BNC2: variants seen among roughly 807,000 people sequenced by gnomAD.
BNC2 encodes the protein basonuclin zinc finger protein 2.
In BNC2, 20 loss-of-function variants were observed where a neutral mutation model predicts 76.3. The observed-to-expected ratio is 0.26, with a 90% CI of 0.18 to 0.38. The LOEUF is 0.38. Ranked by LOEUF, BNC2 falls within the 10% of genes least tolerant of loss-of-function variation. BNC2 has a pLI of 1.00. For missense variants in BNC2, 1,382 were observed against 1,399.8 expected, an observed-to-expected ratio of 0.99 and a Z score of 0.20; for synonymous variants, 582 against 514.8, an observed-to-expected ratio of 1.13 and a Z score of -1.77.
At chr9:16,792,114 A>AAG (rs1817527427) in intron 1 of BNC2, among the ~76,000 whole-genome samples, 1 of 151,858 alleles carries the variant, frequency 6.6e-6, no homozygotes, top group South Asian at 2.1e-4. Flanking sequence ...CAAAAAAAAA[A>AAG]AAAAAATCAA....
chr9:16,448,523 A>C (rs1166282631), intron 5 of BNC2, among the ~76,000 whole-genome samples: 5 of 152,146 alleles, frequency 3.3e-5, no homozygotes, highest in Admixed American at 6.6e-5. Flanking sequence ...TATACTTTGA[A>C]TTACTTTACA....
chr9:16,832,726 CTT>C (rs374753990), intron 1 of BNC2, among the ~76,000 whole-genome samples: 1 of 148,702 alleles, frequency 6.7e-6, no homozygotes, highest in Admixed American at 6.8e-5. Context: ...ATCCAAATTC[CTT>C]TTTTTTTTCT....
intron 6 of BNC2, among the ~76,000 whole-genome samples, chr9:16,420,817 C>T (rs1321584770): frequency 6.6e-6 from 1 of 151,980 alleles, no homozygotes; most frequent in Admixed American, 6.6e-5. Context: ...GTATTTATAT[C>T]CCCCATTATT....
At chr9:16,770,652 AT>A (rs58805474) in intron 1 of BNC2, among the ~76,000 whole-genome samples, 108,662 of 149,154 alleles carry the variant, frequency 0.73, 40,594 homozygotes, top group Non-Finnish European at 0.84. Context: ...TCATTCAAGA[AT>A]TTTTTTTTTT....
intron 3 of BNC2, among the ~76,000 whole-genome samples, chr9:16,630,562 T>C (rs181245213): frequency 2.6e-3 from 395 of 152,300 alleles, no homozygotes; most frequent in Admixed American, 4.0e-3. Context: ...TCTTCTTAAA[T>C]TCCATTTTCT....
chr9:16,567,199 C>G (rs1249662618), intron 4 of BNC2, among the ~76,000 whole-genome samples: 3 of 152,174 alleles, frequency 2.0e-5, no homozygotes, highest in Non-Finnish European at 4.4e-5. Context: ...GAAGAAAACT[C>G]ATTTATGTGG....
chr9:16,504,720 G>C (rs907893208), intron 5 of BNC2, among the ~76,000 whole-genome samples: 2 of 152,184 alleles, frequency 1.3e-5, no homozygotes, highest in Admixed American at 6.5e-5. Flanking sequence ...AGTAGGACAT[G>C]CCTATAGTCC....
chr9:16,806,833 G>C (rs1476930058), intron 1 of BNC2, among the ~76,000 whole-genome samples: 1 of 152,158 alleles, frequency 6.6e-6, no homozygotes, highest in African/African-American at 2.4e-5. Context: ...ACAGGTGTCA[G>C]AAACTATCCT....
rs1587005095 is a variant in BNC2 at position 16,418,651 on chromosome 9, G to A, written c.*338C>T. ...CCAAGAATTATTCTGTCAAAACTGG[G>A]GCTAGTTGCACACTGTGTGTGTGTG... On this transcript the variant is annotated 3_prime_UTR_variant, in exon 7 of 7. Coordinates refer to ENST00000380672, the MANE Select transcript of BNC2 (RefSeq NM_017637.6). The A allele has an allele frequency of 4.6e-6, 1 of 217,888 alleles. No homozygotes were observed. Among genetic ancestry groups the A allele is most frequent in the South Asian group, 1.4e-4 (1 of 7,382 alleles). The allele number at this position is 217,888 out of a possible 1,614,324, so 13.5% of individuals were successfully genotyped here.
At chr9:16,422,976 T>C (rs1322614364) in intron 6 of BNC2, among the ~76,000 whole-genome samples, 3 of 152,024 alleles carry the variant, frequency 2.0e-5, no homozygotes, top group Non-Finnish European at 2.9e-5. Flanking sequence ...AAAAGAGAAG[T>C]TGGGAGAGAC....
At chr9:16,662,205 C>T (rs945022974) in intron 3 of BNC2, among the ~76,000 whole-genome samples, 15 of 152,312 alleles carry the variant, frequency 9.8e-5, no homozygotes, top group Admixed American at 2.0e-4. Flanking sequence ...TTCTGGTCCT[C>T]TAAATGGTAG....
chr9:16,422,456 T>C (rs1249330070), intron 6 of BNC2, among the ~76,000 whole-genome samples: 2 of 152,256 alleles, frequency 1.3e-5, no homozygotes, highest in African/African-American at 2.4e-5. Context: ...CTGCTCTTCA[T>C]AACTTCAGTA....
intron 4 of BNC2, among the ~76,000 whole-genome samples, chr9:16,561,793 TAG>T (rs1211719450): frequency 6.6e-6 from 1 of 152,004 alleles, no homozygotes; most frequent in Non-Finnish European, 1.5e-5. Flanking sequence ...TGTTTGAGCC[TAG>T]GAGTTCGACA....
chr9:16,541,115 G>C (rs1238716872), intron 5 of BNC2, among the ~76,000 whole-genome samples: 1 of 152,174 alleles, frequency 6.6e-6, no homozygotes, highest in East Asian at 1.9e-4. Context: ...CAAATGTCTT[G>C]TACTGCTCTC....
rs149962122 is a variant in BNC2, at chr9:16,709,467, C to T, written c.330+18330G>A. On this transcript the variant is annotated intron_variant, in intron 3 of 6. Transcript: ENST00000380672. ...GCAATGCCACCACAGTTCCACAGAGCTTATCAAAATAGGAAGGGAAGAGAG... is the reference window on the plus strand; with the variant it reads ...GCAATGCCACCACAGTTCCACAGAGTTTATCAAAATAGGAAGGGAAGAGAG... Among the ~76,000 whole-genome samples, 263 of 152,200 alleles carry T rather than the reference C, an allele frequency of 1.7e-3. 1 individual carries two copies. The highest frequency in any genetic ancestry group is 0.017 in the Middle Eastern group (5 of 294).
At chr9:16,613,104 C>G (rs1354354992) in intron 3 of BNC2, among the ~76,000 whole-genome samples, 1 of 152,086 alleles carries the variant, frequency 6.6e-6, no homozygotes, top group African/African-American at 2.4e-5. Flanking sequence ...GAAAGGTAGT[C>G]TGAAAAATCA....
chr9:16,551,451 G>A (rs1326169044), intron 5 of BNC2, among the ~76,000 whole-genome samples: 1 of 152,222 alleles, frequency 6.6e-6, no homozygotes, highest in Admixed American at 6.5e-5. Context: ...GGCAGCTAAT[G>A]CCCTTCATGT....
chr9:16,700,029 C>A (rs1238677376), intron 3 of BNC2, among the ~76,000 whole-genome samples: 1 of 152,070 alleles, frequency 6.6e-6, no homozygotes, highest in Non-Finnish European at 1.5e-5. Context: ...TTATCTTCTC[C>A]ATCCTTATGT....
intron 1 of BNC2, among the ~76,000 whole-genome samples, chr9:16,768,958 G>C (rs1156643458): frequency 2.6e-5 from 4 of 152,150 alleles, no homozygotes; most frequent in Non-Finnish European, 5.9e-5. Flanking sequence ...GAATAGAAGA[G>C]GGGAAGAAGA....
Sources: gnomAD v4.1 joint callset for allele counts (sites outside exome capture counted in the v4.1 genomes callset) on GRCh38, gnomAD v4.1.1 for gene constraint, MANE v1.5 for transcripts, NCBI Gene and HGNC (gene_info 2026-07-23, HGNC 2026-07-21) for gene names.